The following CDK13 variants were observed in gnomAD, a reference collection of about 807,000 sequenced individuals.
CDK13 encodes cyclin-dependent kinase 13.
In CDK13, 40 loss-of-function variants were observed where a neutral mutation model predicts 137.6. That is an observed-to-expected ratio of 0.29 (90% CI 0.23 to 0.38). The LOEUF is 0.38. Among genes scored for constraint, CDK13 ranks in the 10% least tolerant of loss-of-function variants. The pLI is 1.00. For synonymous variants in CDK13, 869 were observed against 760.1 expected (o/e 1.14, Z -2.36); for missense variants, 1,704 against 1,951.8 (o/e 0.87, Z 2.39).
At position 40,096,255 on chromosome 7, in the gene CDK13, A is replaced by G. The variant is rs898123879; in HGVS notation, c.*1275A>G. The G allele has an allele frequency of 3.0e-4, 45 of 152,316 alleles. No homozygotes were observed. The highest frequency in any genetic ancestry group is 1.0e-3 in the African/African-American group (42 of 41,584). 9.4% of individuals were successfully genotyped at this position (152,316 alleles called of 1,614,324 possible). A position where few individuals can be genotyped will look rare whatever the true frequency, so the allele number is the denominator to read the frequency against. ...ATTGAAGCAAAAAGAAAAGGCAATGAGAGAGAACTTTTATCTTCCTTCCTG... is the reference window on the plus strand; with the variant it reads ...ATTGAAGCAAAAAGAAAAGGCAATGGGAGAGAACTTTTATCTTCCTTCCTG... On this transcript the variant is annotated 3_prime_UTR_variant, in exon 14 of 14. Transcript: ENST00000181839.
Position 40,094,774 on chromosome 7 carries a change from A to G in CDK13, c.4333A>G (p.Thr1445Ala). The G allele has an allele frequency of 3.1e-6, 5 of 1,611,938 alleles. No individual in the cohort carries two copies. The highest frequency in any genetic ancestry group is 3.4e-6 in the Non-Finnish European group (4 of 1,178,896). ...CCTGGCAAACAGCAGTGACCCTTCC[A>G]CGGGGCCAGAGAGTACTCATCCTTT... The part of the protein sequence containing the change: ...AVLANSSDPS[T>A]GPESTHPLPA... Residue 1445 changes from threonine (T) to alanine (A), a missense_variant, in exon 14 of 14, where the codon ACG becomes GCG. Transcript: ENST00000181839.
In CDK13 at chr7:40,075,360, C is replaced by G. The variant is rs945374503; in HGVS notation, c.2781-2645C>G. ...TAGTTTCTAGGAACTTTCCTTGCAT[C>G]GGTATGTGTATTCCATTGTGTATCC... On this transcript the variant is annotated intron_variant, in intron 9 of 13. Transcript: ENST00000181839. Among the ~76,000 whole-genome samples the G allele has an allele frequency of 2.0e-5, 3 of 151,940 alleles. No individual in the cohort carries two copies. In the East Asian group the frequency reaches 5.8e-4, roughly 29 times the overall value.
chr7:40,075,312 A>G (rs1786521624), intron 9 of CDK13, among the ~76,000 whole-genome samples: 1 of 152,178 alleles, frequency 6.6e-6, no homozygotes, highest in African/African-American at 2.4e-5. Flanking sequence ...TGCAGTTATC[A>G]GTTGCTGTCA....
chr7:39,991,110 A>AT (rs941906348), intron 2 of CDK13, among the ~76,000 whole-genome samples: 3 of 152,062 alleles, frequency 2.0e-5, no homozygotes, highest in Non-Finnish European at 4.4e-5. Context: ...CCCCCAGGCC[A>AT]TTTTTTTCAT....
At chr7:40,052,474 G>A (rs1267571846) in intron 7 of CDK13, among the ~76,000 whole-genome samples, 1 of 152,118 alleles carries the variant, frequency 6.6e-6, no homozygotes. Context: ...ACTGTGCCCA[G>A]CCCTGAAAAA....
intron 5 of CDK13, among the ~76,000 whole-genome samples, chr7:40,003,180 A>G (rs1784722564): frequency 1.1e-5 from 1 of 93,486 alleles, no homozygotes; most frequent in Non-Finnish European, 2.4e-5. Context: ...ACACACACAC[A>G]CACACACACA....
chr7:40,039,614 TAG>T (rs949078701), intron 5 of CDK13, among the ~76,000 whole-genome samples: 155 of 151,870 alleles, frequency 1.0e-3, no homozygotes, highest in African/African-American at 3.5e-3. Flanking sequence ...GTATTTTTAG[TAG>T]AGAGAGAGTT....
chr7:40,008,359 A>G (rs1210769455), intron 5 of CDK13, among the ~76,000 whole-genome samples: 1 of 152,216 alleles, frequency 6.6e-6, no homozygotes, highest in Non-Finnish European at 1.5e-5. Context: ...TCATCATCTT[A>G]GCATTGAATA....
At chr7:39,968,808 C>A (rs1429254105) in intron 1 of CDK13, among the ~76,000 whole-genome samples, 1 of 152,124 alleles carries the variant, frequency 6.6e-6, no homozygotes, top group African/African-American at 2.4e-5. Flanking sequence ...TTTGAGTATT[C>A]CACTGAATCA....
At chr7:40,070,038 C>G (rs1391103943) in intron 9 of CDK13, 2 of 120,352 alleles carry the variant, frequency 1.7e-5, no homozygotes, top group African/African-American at 6.7e-5. Context: ...CGGGCTAACA[C>G]GGTGAAACCC....
chr7:40,014,598 G>A (rs1377660317), intron 5 of CDK13, among the ~76,000 whole-genome samples: 1 of 151,906 alleles, frequency 6.6e-6, no homozygotes, highest in Non-Finnish European at 1.5e-5. Context: ...GGGATGACAG[G>A]CACATTCCAG....
At chr7:40,022,809 C>T (rs1253007327) in intron 5 of CDK13, among the ~76,000 whole-genome samples, 2 of 150,842 alleles carry the variant, frequency 1.3e-5, no homozygotes, top group East Asian at 1.9e-4. Flanking sequence ...CTAGCAATTA[C>T]AGATTAAAGG....
At chr7:40,066,921 C>T (rs1786292129) in intron 9 of CDK13, 1 of 147,222 alleles carries the variant, frequency 6.8e-6, no homozygotes, top group Admixed American at 6.8e-5. Flanking sequence ...TCCTTCTAAC[C>T]TTTTTTTTTT....
intron 5 of CDK13, among the ~76,000 whole-genome samples, chr7:40,016,378 A>G (rs1785005630): frequency 6.6e-6 from 1 of 152,122 alleles, no homozygotes; most frequent in Admixed American, 6.6e-5. Context: ...TATGTGAAGT[A>G]TTTTCACCAT....
intron 9 of CDK13, among the ~76,000 whole-genome samples, chr7:40,073,356 G>C (rs1786464324): frequency 6.6e-6 from 1 of 152,014 alleles, no homozygotes; most frequent in Non-Finnish European, 1.5e-5. Flanking sequence ...ATTTTTGTTT[G>C]TGGCCAGGAA....
In CDK13 at chr7:40,044,317, C is replaced by CT. The variant is rs538722742; in HGVS notation, c.2354-1507dup. On this transcript the variant is annotated intron_variant, in intron 5 of 13. Transcript: ENST00000181839. ...GTTTCTTCATATATGAAGTCTTTTG[C>CT]TTTTTTTTTTTTCTTCTTTGAGACA... 1.2e-3 allele frequency among the ~76,000 whole-genome samples: 180 copies of CT among 144,448 alleles called. 1 individual carries two copies. Among genetic ancestry groups the CT allele is most frequent in the South Asian group, 0.012 (56 of 4,534 alleles). The allele number at this position is 144,448 out of a possible 152,430, so 94.8% of individuals were successfully genotyped here.
intron 2 of CDK13, among the ~76,000 whole-genome samples, chr7:39,994,214 A>G (rs1191839212): frequency 6.6e-6 from 1 of 151,996 alleles, no homozygotes; most frequent in Non-Finnish European, 1.5e-5. Context: ...AGTCAAATCT[A>G]TTATTCTCTT....
rs2116043325 is a variant in CDK13, at chr7:39,950,514, C to G, written c.-128C>G. The G allele has an allele frequency of 2.4e-6, 3 of 1,267,982 alleles. No individual in the cohort carries two copies. The highest frequency in any genetic ancestry group is 3.2e-5 in the East Asian group (1 of 31,742). The allele number at this position is 1,267,982 out of a possible 1,614,324, so 78.5% of individuals were successfully genotyped here. A position where few individuals can be genotyped will look rare whatever the true frequency, so the allele number is the denominator to read the frequency against. On this transcript the variant is annotated 5_prime_UTR_variant, in exon 1 of 14. Transcript: ENST00000181839. Reference sequence around the variant, plus strand: ...AGTCCCGACCCGGATTATCGTGGCGCTTTTCCCGGCCGGCTCTGGTGCTCG... The same window carrying G: ...AGTCCCGACCCGGATTATCGTGGCGGTTTTCCCGGCCGGCTCTGGTGCTCG...
At chr7:39,994,421 A>G (rs969601484) in intron 2 of CDK13, among the ~76,000 whole-genome samples, 1 of 151,906 alleles carries the variant, frequency 6.6e-6, no homozygotes, top group East Asian at 1.9e-4. Context: ...CTGTTTCTCT[A>G]CTTTCTTTTC....
Sources: allele counts gnomAD v4.1 joint callset (sites outside exome capture counted in the v4.1 genomes callset), GRCh38; gene constraint gnomAD v4.1.1; transcripts MANE v1.5; gene names NCBI Gene and HGNC (gene_info 2026-07-23, HGNC 2026-07-21).